PRR16: variants seen among roughly 807,000 people sequenced by gnomAD.
PRR16 encodes the protein proline rich 16, also known as protein Largen.
PRR16 carries 6 observed loss-of-function variants against 18.2 expected under a neutral mutation model. That is an observed-to-expected ratio of 0.33 (90% CI 0.18 to 0.65). The LOEUF is 0.65. Among genes scored for constraint, PRR16 ranks in the 30% least tolerant of loss-of-function variants. The pLI, the probability that PRR16 is intolerant of heterozygous loss-of-function variation, is 0.74. For missense variants in PRR16, 412 were observed against 376.6 expected (o/e 1.09, Z -0.78); for synonymous variants, 151 against 147.8 (o/e 1.02, Z -0.16).
chr5:120,679,082 T>C (rs763616346), intron 1 of PRR16, among the ~76,000 whole-genome samples: 1 of 152,208 alleles, frequency 6.6e-6, no homozygotes, highest in East Asian at 1.9e-4. Context: ...CACAGTCTAC[T>C]ATAGCTTCCT....
the PRR16 span, among the ~76,000 whole-genome samples, chr5:120,701,227 G>C: frequency 6.6e-6 from 1 of 152,136 alleles, no homozygotes; most frequent in Non-Finnish European, 1.5e-5. Flanking sequence ...AAATCCTGTT[G>C]TGGGGTTTGA....
intron 1 of PRR16, among the ~76,000 whole-genome samples, chr5:120,682,627 C>A (rs1011792734): frequency 4.6e-5 from 7 of 152,240 alleles, no homozygotes; most frequent in African/African-American, 1.7e-4. Flanking sequence ...AGATAACCTC[C>A]AGGTGAAATA....
intron 1 of PRR16, among the ~76,000 whole-genome samples, chr5:120,500,067 C>CTTTTTTTTTTTTTTTTTTTTTTTTTTTT (rs1750395676): frequency 6.6e-6 from 1 of 152,106 alleles, no homozygotes; most frequent in African/African-American, 2.4e-5. Flanking sequence ...GGAGGTGCTT[C>CTTTTTTTTTTTTTTTTTTTTTTTTTTTT]TTTACAGTTT....
At chr5:120,599,889 C>T (rs1335726928) in intron 1 of PRR16, among the ~76,000 whole-genome samples, 1 of 151,826 alleles carries the variant, frequency 6.6e-6, no homozygotes, top group Non-Finnish European at 1.5e-5. Flanking sequence ...TCCTGATATT[C>T]TCTAACCCTA....
the PRR16 span, among the ~76,000 whole-genome samples, chr5:120,749,377 A>C: frequency 2.6e-5 from 4 of 152,224 alleles, no homozygotes; most frequent in South Asian, 6.2e-4. Flanking sequence ...ATGTCACATA[A>C]ATTATTTTTT....
chr5:120,691,452 C>T (rs937885995), downstream of PRR16, among the ~76,000 whole-genome samples: 2 of 152,030 alleles, frequency 1.3e-5, no homozygotes, highest in East Asian at 3.9e-4. Context: ...AGTGGCTTCA[C>T]CTTTTAGTTT....
intron 1 of PRR16, chr5:120,658,350 G>GGA (rs1554092658): frequency 7.0e-6 from 1 of 143,206 alleles, no homozygotes; most frequent in African/African-American, 2.6e-5. Flanking sequence ...ATGAGTGGGG[G>GGA]AAAAAAAAAA....
At chr5:120,793,719 G>A in the PRR16 span, among the ~76,000 whole-genome samples, 3 of 152,170 alleles carry the variant, frequency 2.0e-5, no homozygotes, top group African/African-American at 7.2e-5. Context: ...AATGACAGAA[G>A]TATAGTCATG....
At chr5:120,742,724 A>T in the PRR16 span, among the ~76,000 whole-genome samples, 13 of 152,194 alleles carry the variant, frequency 8.5e-5, no homozygotes, top group Non-Finnish European at 1.6e-4. Context: ...GCTTAAAACA[A>T]TATAAATAAA....
chr5:120,519,808 G>A (rs1199369335), intron 1 of PRR16, among the ~76,000 whole-genome samples: 1 of 151,976 alleles, frequency 6.6e-6, no homozygotes, highest in Non-Finnish European at 1.5e-5. Flanking sequence ...AAGATTCTGG[G>A]TAAATAACAT....
the PRR16 span, among the ~76,000 whole-genome samples, chr5:120,737,627 A>C: frequency 6.7e-6 from 1 of 149,012 alleles, no homozygotes. Flanking sequence ...TCCCTCTCTT[A>C]GTTTTTTCTT....
chr5:120,731,764 A>G, the PRR16 span, among the ~76,000 whole-genome samples: 1 of 152,346 alleles, frequency 6.6e-6, no homozygotes, highest in African/African-American at 2.4e-5. Context: ...AGTGCCTTAT[A>G]CATTAAATAG....
At chr5:120,646,395 CTT>C (rs1487660395) in intron 1 of PRR16, among the ~76,000 whole-genome samples, 1 of 151,814 alleles carries the variant, frequency 6.6e-6, no homozygotes, top group Admixed American at 6.6e-5. Context: ...GTTTTGGAGA[CTT>C]TGTAGAATTT....
chr5:120,487,449 G>T (rs1749849236), intron 1 of PRR16, among the ~76,000 whole-genome samples: 1 of 152,114 alleles, frequency 6.6e-6, no homozygotes, highest in Non-Finnish European at 1.5e-5. Flanking sequence ...CTCTCTGTTT[G>T]TCTGTTATTG....
At chr5:120,630,961 C>T (rs1352923192) in intron 1 of PRR16, among the ~76,000 whole-genome samples, 1 of 152,124 alleles carries the variant, frequency 6.6e-6, no homozygotes, top group Non-Finnish European at 1.5e-5. Flanking sequence ...TCCCAGAATA[C>T]TAAATTATTT....
the PRR16 span, among the ~76,000 whole-genome samples, chr5:120,734,369 A>G: frequency 6.6e-6 from 1 of 152,078 alleles, no homozygotes; most frequent in Non-Finnish European, 1.5e-5. Context: ...GTGTAAGTGC[A>G]TGTTTATTCG....
chr5:120,723,831 T>C, the PRR16 span, among the ~76,000 whole-genome samples: 4 of 152,006 alleles, frequency 2.6e-5, no homozygotes, highest in Admixed American at 6.6e-5. Flanking sequence ...TTGTAAATAT[T>C]CAAAATACTT....
chr5:120,477,270 G>C lies in PRR16; in HGVS notation c.159+12625G>C, dbSNP rs187424543. On this transcript the variant is annotated intron_variant, in intron 1 of 1. Transcript: ENST00000407149. ...AACAGTCTACTCCCTATCTCTACTT[G>C]GCTAAGAGACATCTTAATTTTACCA... is the stretch of plus-strand genomic sequence containing the variant. Among the ~76,000 whole-genome samples, 4 of 151,838 alleles carry C rather than the reference G, an allele frequency of 2.6e-5. No individual in the cohort carries two copies. The East Asian group carries it at 5.8e-4, about 22-fold the overall frequency.
intron 1 of PRR16, among the ~76,000 whole-genome samples, chr5:120,580,203 C>G (rs1421764965): frequency 3.3e-5 from 5 of 152,132 alleles, no homozygotes; most frequent in African/African-American, 1.2e-4. Flanking sequence ...TCCTCTCTTC[C>G]TATTTGAATA....
Sources: allele counts gnomAD v4.1 joint callset (sites outside exome capture counted in the v4.1 genomes callset), GRCh38; gene constraint gnomAD v4.1.1; transcripts MANE v1.5; gene names NCBI Gene and HGNC (gene_info 2026-07-23, HGNC 2026-07-21).